RBFOX1: variants seen among roughly 807,000 people sequenced by gnomAD.
The protein encoded by RBFOX1 is RNA binding protein fox-1 homolog 1.
In RBFOX1, 8 loss-of-function variants were observed where a neutral mutation model predicts 57.7. The observed-to-expected ratio is 0.14, with a 90% confidence interval of 0.08 to 0.25. The LOEUF (loss-of-function observed/expected upper bound fraction) is 0.25, where lower values mean the gene tolerates loss of function less well. RBFOX1 is among the 10% of genes least tolerant of loss of function. RBFOX1 has a pLI of 1.00. For missense variants in RBFOX1, 611 were observed against 548.5 expected (o/e 1.11, Z -1.14); for synonymous variants, 326 against 222.4 (o/e 1.47, Z -4.15).
intron 2 of RBFOX1, among the ~76,000 whole-genome samples, chr16:6,513,959 T>A (rs1340142335): frequency 6.6e-6 from 1 of 151,848 alleles, no homozygotes; most frequent in Non-Finnish European, 1.5e-5. Context: ...ATAGGGAAAA[T>A]AAAGATGGAG....
At chr16:7,236,455 A>T (rs1285441609) in intron 4 of RBFOX1, among the ~76,000 whole-genome samples, 1 of 152,116 alleles carries the variant, frequency 6.6e-6, no homozygotes, top group East Asian at 1.9e-4. Context: ...CTGTCATGCA[A>T]TCTGGCAGAA....
chr16:6,201,927 G>A (rs1356389224), intron 1 of RBFOX1, among the ~76,000 whole-genome samples: 5 of 152,180 alleles, frequency 3.3e-5, no homozygotes, highest in Non-Finnish European at 7.3e-5. Context: ...TAGAGCATGA[G>A]ATGGGGCATA....
chr16:6,775,762 A>G (rs539623583), intron 3 of RBFOX1: 1 of 152,278 alleles, frequency 6.6e-6, no homozygotes, highest in Admixed American at 6.5e-5. Context: ...TGACAGTGAG[A>G]GGAAGGAACA....
rs74004765 is a variant in RBFOX1 at position 6,114,679 on chromosome 16, C to G, written c.-127+94687C>G. On this transcript the variant is annotated intron_variant, in intron 1 of 15. Coordinates refer to ENST00000550418, the MANE Select transcript of RBFOX1 (RefSeq NM_018723.4). ...TGCCTTGTCTGTTGGCACCAAACCC[C>G]TTTGAAATGTATGTTAGAATGTATT... Among the ~76,000 whole-genome samples the G allele has an allele frequency of 4.6e-3, 694 of 152,216 alleles. 11 individuals are homozygous for G. Among genetic ancestry groups the G allele is most frequent in the East Asian group, 0.022 (115 of 5,172 alleles).
At chr16:7,011,687 G>C (rs1017496893) in intron 3 of RBFOX1, among the ~76,000 whole-genome samples, 3 of 152,048 alleles carry the variant, frequency 2.0e-5, no homozygotes, top group Non-Finnish European at 2.9e-5. Context: ...CTAATTTTTT[G>C]TATTTTTAGT....
At chr16:6,175,932 G>A (rs1340231383) in intron 1 of RBFOX1, among the ~76,000 whole-genome samples, 1 of 152,150 alleles carries the variant, frequency 6.6e-6, no homozygotes, top group African/African-American at 2.4e-5. Flanking sequence ...AATTCAGAAA[G>A]CTGCTGTTTG....
intron 11 of RBFOX1, among the ~76,000 whole-genome samples, chr16:7,635,828 T>G (rs2061664565): frequency 6.6e-6 from 1 of 152,228 alleles, no homozygotes; most frequent in Middle Eastern, 3.2e-3. Context: ...TTTTATTTTT[T>G]GAGATGGAGT....
At chr16:6,576,472 C>G (rs1377626686) in intron 2 of RBFOX1, among the ~76,000 whole-genome samples, 1 of 152,144 alleles carries the variant, frequency 6.6e-6, no homozygotes, top group South Asian at 2.1e-4. Flanking sequence ...TATTCGAAGA[C>G]CTGCTGTACT....
At chr16:6,931,291 G>GTTTATCTA in intron 3 of RBFOX1, among the ~76,000 whole-genome samples, 1 of 124,094 alleles carries the variant, frequency 8.1e-6, no homozygotes, top group South Asian at 2.6e-4. Context: ...CTGTCTGTCT[G>GTTTATCTA]TCTGTCTATC....
intron 1 of RBFOX1, among the ~76,000 whole-genome samples, chr16:6,242,653 C>CACAT (rs2097546139): frequency 6.6e-6 from 1 of 150,392 alleles, no homozygotes; most frequent in South Asian, 2.1e-4. Flanking sequence ...CACACACACA[C>CACAT]ACACACACAC....
intron 1 of RBFOX1, among the ~76,000 whole-genome samples, chr16:5,258,047 T>A (rs1463934165): frequency 2.0e-5 from 3 of 151,960 alleles, no homozygotes; most frequent in Non-Finnish European, 4.4e-5. Flanking sequence ...CCTGACTAAT[T>A]TGTCTATTTT....
At chr16:5,999,599 C>T (rs1269862965) in intron 4 of RBFOX1, among the ~76,000 whole-genome samples, 5 of 152,146 alleles carry the variant, frequency 3.3e-5, no homozygotes, top group East Asian at 3.9e-4. Flanking sequence ...TGGTGGCTCA[C>T]GCCTGTAATC....
chr16:7,554,643 C>A (rs919868706), intron 5 of RBFOX1, among the ~76,000 whole-genome samples: 7 of 151,734 alleles, frequency 4.6e-5, no homozygotes, highest in African/African-American at 1.5e-4. Flanking sequence ...CACTTTGAGC[C>A]TCTAACCTTT....
chr16:5,598,414 T>C (rs540492832), intron 2 of RBFOX1, among the ~76,000 whole-genome samples: 84 of 152,208 alleles, frequency 5.5e-4, no homozygotes, highest in Admixed American at 9.2e-4. Flanking sequence ...AGATGCAATT[T>C]AGCATTTGCT....
chr16:6,957,760 A>T (rs2082172270), intron 3 of RBFOX1, among the ~76,000 whole-genome samples: 1 of 152,108 alleles, frequency 6.6e-6, no homozygotes, highest in East Asian at 1.9e-4. Context: ...CTCTGGTTCA[A>T]ACATCTGTGA....
chr16:7,612,474 T>C (rs1346000886), intron 10 of RBFOX1, among the ~76,000 whole-genome samples: 1 of 151,710 alleles, frequency 6.6e-6, no homozygotes, highest in Admixed American at 6.6e-5. Context: ...ACTCAGAATA[T>C]CTCTACCCAG....
chr16:6,856,173 C>T (rs2057862804), intron 3 of RBFOX1, among the ~76,000 whole-genome samples: 1 of 152,020 alleles, frequency 6.6e-6, no homozygotes, highest in South Asian at 2.1e-4. Context: ...TCCTTTCCTT[C>T]CCTTCTTCAA....
intron 5 of RBFOX1, among the ~76,000 whole-genome samples, chr16:7,537,048 C>T (rs765460575): frequency 1.5e-4 from 23 of 152,150 alleles, no homozygotes; most frequent in Admixed American, 6.5e-4. Context: ...GGGCTTTGTA[C>T]CATGGGAGGC....
intron 4 of RBFOX1, among the ~76,000 whole-genome samples, chr16:7,341,686 T>A (rs867230949): frequency 6.6e-6 from 1 of 151,060 alleles, no homozygotes; most frequent in Non-Finnish European, 1.5e-5. Flanking sequence ...CAGAGAACAA[T>A]GGTCCTACCT....
Sources: allele counts gnomAD v4.1 joint callset (sites outside exome capture counted in the v4.1 genomes callset), GRCh38; gene constraint gnomAD v4.1.1; transcripts MANE v1.5; gene names NCBI Gene and HGNC (gene_info 2026-07-23, HGNC 2026-07-21).